SLIT2: variants seen among roughly 807,000 people sequenced by gnomAD.
SLIT2 encodes slit guidance ligand 2, also known as slit homolog 2 protein.
A neutral mutation model predicts 185.7 loss-of-function variants in SLIT2; 41 were observed. The ratio of observed to expected loss-of-function variants is 0.22; its 90% CI spans 0.17 to 0.29. SLIT2 has a LOEUF of 0.29. Ranked by LOEUF, SLIT2 falls within the 10% of genes least tolerant of loss-of-function variation. The pLI, the probability that SLIT2 is intolerant of heterozygous loss-of-function variation, is 1.00. For missense variants in SLIT2, 1,571 were observed against 1,909.0 expected (o/e 0.82, Z 3.30); for synonymous variants, 693 against 680.2 (o/e 1.02, Z -0.29).
intron 4 of SLIT2, among the ~76,000 whole-genome samples, chr4:20,294,313 C>T (rs1357304917): frequency 2.0e-5 from 3 of 150,802 alleles, no homozygotes; most frequent in Admixed American, 6.6e-5. Flanking sequence ...CACACCACTG[C>T]ACTCCATCCT....
intron 4 of SLIT2, among the ~76,000 whole-genome samples, chr4:20,459,387 A>G (rs963926706): frequency 5.9e-5 from 9 of 152,232 alleles, no homozygotes; most frequent in African/African-American, 2.2e-4. Context: ...CTATCAGTAA[A>G]TGCTTTTGAA....
At chr4:20,465,610 C>T (rs537005202) in intron 4 of SLIT2, among the ~76,000 whole-genome samples, 1 of 152,180 alleles carries the variant, frequency 6.6e-6, no homozygotes, top group East Asian at 1.9e-4. Context: ...CACTCTAACA[C>T]TTTTGCAAAC....
chr4:20,289,217 A>G (rs1045711658), intron 4 of SLIT2, among the ~76,000 whole-genome samples: 2 of 152,128 alleles, frequency 1.3e-5, no homozygotes, highest in Non-Finnish European at 2.9e-5. Context: ...CTGTTACAGC[A>G]TTTTTAATTT....
chr4:20,518,371 G>C (rs1465725569), intron 11 of SLIT2, among the ~76,000 whole-genome samples: 3 of 139,118 alleles, frequency 2.2e-5, no homozygotes, highest in Non-Finnish European at 4.6e-5. Context: ...TCCTGCCTCA[G>C]CCTCCCAAGT....
At chr4:20,344,408 T>C (rs1340051496) in intron 4 of SLIT2, among the ~76,000 whole-genome samples, 1 of 152,198 alleles carries the variant, frequency 6.6e-6, no homozygotes, top group African/African-American at 2.4e-5. Flanking sequence ...CATGGTCTTC[T>C]CCAAGATTTT....
intron 4 of SLIT2, among the ~76,000 whole-genome samples, chr4:20,306,478 G>A (rs1717558129): frequency 6.6e-6 from 1 of 151,978 alleles, no homozygotes; most frequent in South Asian, 2.1e-4. Flanking sequence ...TTCTTCTTTT[G>A]TATAATTTGG....
intron 29 of SLIT2, among the ~76,000 whole-genome samples, chr4:20,583,323 T>C (rs1726755151): frequency 6.6e-6 from 1 of 152,168 alleles, no homozygotes; most frequent in African/African-American, 2.4e-5. Context: ...GATTTGCTGT[T>C]TTAATTATTT....
At position 20,291,448 on chromosome 4, in the gene SLIT2, A is replaced by T. The variant is rs1265750221; in HGVS notation, c.395+22567A>T. ...GGTATGTCTGCTCCTAAGAAACCTC[A>T]TATATATATATATATATATATATAT... On this transcript the variant is annotated intron_variant, in intron 4 of 36. Coordinates refer to ENST00000504154, the MANE Select transcript of SLIT2 (RefSeq NM_004787.4). 1.4e-3 allele frequency among the ~76,000 whole-genome samples: 48 copies of T among 33,674 alleles called. 1 individual carries two copies. The South Asian group carries it at 0.018, about 13-fold the overall frequency. The allele number at this position is 33,674 out of a possible 152,430, so 22.1% of individuals were successfully genotyped here.
rs759513879 is a variant in SLIT2, at chr4:20,616,943, G to T, written c.3881G>T (p.Arg1294Leu). The change falls in exon 35 of 37, where the codon CGC becomes CTC. Residue 1294 changes from arginine (R) to leucine (L), a missense_variant. Arg to Leu is a moderately radical substitution (Grantham distance 102). Around this residue, in one of 3 missense-constraint regions of SLIT2, gnomAD observed 146 missense variants for 247.4 expected, o/e 0.59. Coordinates refer to ENST00000504154, the MANE Select transcript of SLIT2 (RefSeq NM_004787.4). ...MPGKSNVASL[R>L]QAPGQNGTSF... Reference sequence around the variant, plus strand: ...GGGAAGAGTAACGTGGCATCTCTGCGCCAGGCCCCTGGGCAGAACGGAACC... The same window carrying T: ...GGGAAGAGTAACGTGGCATCTCTGCTCCAGGCCCCTGGGCAGAACGGAACC... 1.2e-6 allele frequency: 2 copies of T among 1,608,964 alleles called. No individual in the cohort carries two copies. Among genetic ancestry groups the T allele is most frequent in the South Asian group, 1.1e-5 (1 of 90,952 alleles).
At chr4:20,560,078 A>T (rs891792960) in intron 26 of SLIT2, among the ~76,000 whole-genome samples, 15 of 151,856 alleles carry the variant, frequency 9.9e-5, no homozygotes, top group Non-Finnish European at 1.8e-4. Flanking sequence ...TGTTTCTTTA[A>T]ATGTTTTATA....
At chr4:20,351,172 C>A (rs183492461) in intron 4 of SLIT2, among the ~76,000 whole-genome samples, 212 of 152,086 alleles carry the variant, frequency 1.4e-3, no homozygotes, top group African/African-American at 5.0e-3. Context: ...CTTCAGCCTC[C>A]TGAGTAGCTT....
intron 4 of SLIT2, among the ~76,000 whole-genome samples, chr4:20,433,082 TA>T (rs1271445176): frequency 6.6e-6 from 1 of 151,988 alleles, no homozygotes; most frequent in Non-Finnish European, 1.5e-5. Context: ...AAAAAAAAAA[TA>T]CCTTCAAACT....
intron 4 of SLIT2, among the ~76,000 whole-genome samples, chr4:20,336,874 T>C (rs1390946575): frequency 6.6e-6 from 1 of 152,166 alleles, no homozygotes; most frequent in African/African-American, 2.4e-5. Flanking sequence ...ATTTTAATTT[T>C]AAAAATGTTG....
intron 4 of SLIT2, among the ~76,000 whole-genome samples, chr4:20,318,776 A>G (rs1274659168): frequency 1.3e-5 from 2 of 152,170 alleles, no homozygotes; most frequent in Admixed American, 1.3e-4. Flanking sequence ...GGAGAGAGAA[A>G]TGGTAAATTA....
chr4:20,294,536 C>T (rs549271934), intron 4 of SLIT2, among the ~76,000 whole-genome samples: 5 of 152,236 alleles, frequency 3.3e-5, no homozygotes, highest in South Asian at 2.1e-4. Flanking sequence ...ATAAATTCTC[C>T]GGTTACACTT....
chr4:20,281,578 C>G (rs1020857238), intron 4 of SLIT2, among the ~76,000 whole-genome samples: 1 of 152,140 alleles, frequency 6.6e-6, no homozygotes, highest in Non-Finnish European at 1.5e-5. Context: ...TTTTCTTTCC[C>G]TCTGTTGAAG....
intron 4 of SLIT2, among the ~76,000 whole-genome samples, chr4:20,290,563 T>A (rs1715699927): frequency 6.6e-6 from 1 of 152,188 alleles, no homozygotes; most frequent in Non-Finnish European, 1.5e-5. Flanking sequence ...CAGTGTCCCA[T>A]GGATACCAAG....
intron 18 of SLIT2, among the ~76,000 whole-genome samples, chr4:20,534,867 T>C (rs1722127662): frequency 6.6e-6 from 1 of 152,156 alleles, no homozygotes; most frequent in African/African-American, 2.4e-5. Context: ...AGAGCAGAAG[T>C]GCATTCCTTG....
Position 20,523,824 on chromosome 4 carries a change from A to C in SLIT2, c.1195A>C (p.Asn399His). The change falls in exon 13 of 37, where the codon AAC (asparagine) becomes CAC (histidine). Residue 399 changes from asparagine (N) to histidine (H), a missense_variant. Asn to His is a moderately conservative substitution (Grantham distance 68). This residue lies in a region of SLIT2 where 1,202 missense variants were observed against 1,416.4 expected (regional missense o/e 0.85). Coordinates refer to ENST00000504154, the MANE Select transcript of SLIT2 (RefSeq NM_004787.4). ...TGCTTTTCAGGATCTCCACAACTTG[A>C]ACCTTCTCTCCCTATATGACAACAA... ...VDAFQDLHNLNLLSLYDNKLQ... is the reference protein window; with the variant it reads ...VDAFQDLHNLHLLSLYDNKLQ... 2 of 1,613,906 alleles carry C rather than the reference A, an allele frequency of 1.2e-6. No individual in the cohort carries two copies. The highest frequency in any genetic ancestry group is 1.7e-6 in the Non-Finnish European group (2 of 1,179,792).
Sources: gnomAD v4.1 joint callset for allele counts (sites outside exome capture counted in the v4.1 genomes callset) on GRCh38, gnomAD v4.1.1 for gene constraint, gnomAD v4.1.1 regional missense constraint, MANE v1.5 for transcripts, NCBI Gene and HGNC (gene_info 2026-07-23, HGNC 2026-07-21) for gene names.